CENPI: variants seen among roughly 807,000 people sequenced by gnomAD.
CENPI encodes centromere protein I.
CENPI carries 4 observed loss-of-function variants against 60.4 expected under a neutral mutation model. The observed-to-expected ratio is 0.07, with a 90% CI of 0.03 to 0.15. CENPI has a LOEUF of 0.15. Among genes scored for constraint, CENPI ranks in the 10% least tolerant of loss-of-function variants. The probability of loss-of-function intolerance (pLI) is 1.00; values close to 1 mark genes in which losing one functional copy is unlikely to be tolerated. For synonymous variants in CENPI, 157 were observed against 189.4 expected (o/e 0.83, Z 1.40); for missense variants, 444 against 534.5 (o/e 0.83, Z 1.67).
intron 4 of CENPI, among the ~76,000 whole-genome samples, chrX:101,107,060 CAAAAA>C (rs777807842): frequency 8.0e-5 from 5 of 62,138 alleles, no homozygotes; most frequent in Admixed American, 2.2e-4. Context: ...GACCCTGTCT[CAAAAA>C]AAAAAAAAAA....
chrX:101,100,504 C>T (rs1433908578), intron 2 of CENPI: 1 of 112,666 alleles, frequency 8.9e-6, no homozygotes, highest in Non-Finnish European at 1.9e-5. Context: ...CAGCCTTCAC[C>T]TCCTGGGTTC....
At chrX:101,125,557 C>T (rs934116144) in intron 8 of CENPI, among the ~76,000 whole-genome samples, 2 of 110,706 alleles carry the variant, frequency 1.8e-5, no homozygotes, top group African/African-American at 6.6e-5. Flanking sequence ...CCATCACAGC[C>T]GGCCTAATTT....
At chrX:101,155,694 C>CTT (rs1283410431) in intron 20 of CENPI, among the ~76,000 whole-genome samples, 1 of 111,860 alleles carries the variant, frequency 8.9e-6, no homozygotes, top group Non-Finnish European at 1.9e-5. Context: ...TTACTGGGTA[C>CTT]TTTTTTTGTT....
chrX:101,139,954 C>G lies in CENPI; in HGVS notation c.1471-712C>G, dbSNP rs924581735. ...GGTTCACGTCATTCTCCTGCCTCAG[C>G]CTCCCAAGTAGTTGGGACTACAGGC... On this transcript the variant is annotated intron_variant, in intron 15 of 21. Coordinates refer to ENST00000682095, the MANE Select transcript of CENPI (RefSeq NM_001386188.2). Among the ~76,000 whole-genome samples the G allele has an allele frequency of 5.5e-5, 6 of 109,889 alleles. No individual in the cohort carries two copies. The East Asian group carries it at 1.7e-3, about 31-fold the overall frequency.
downstream of CENPI, among the ~76,000 whole-genome samples, chrX:101,169,141 TGAA>T (rs2090151112): frequency 9.0e-6 from 1 of 111,146 alleles, no homozygotes; most frequent in African/African-American, 3.3e-5. Context: ...TGGAAAAAAG[TGAA>T]GAAAAATGAA....
chrX:101,108,552 T>C (rs2089512444), intron 4 of CENPI, among the ~76,000 whole-genome samples: 1 of 111,472 alleles, frequency 9.0e-6, no homozygotes, highest in African/African-American at 3.3e-5. Flanking sequence ...ATCACCACTA[T>C]CTAATTCTTG....
intron 6 of CENPI, among the ~76,000 whole-genome samples, chrX:101,119,739 A>C (rs1295196923): frequency 8.9e-6 from 1 of 112,340 alleles, no homozygotes; most frequent in African/African-American, 3.2e-5. Context: ...CTGTTAACTA[A>C]ATTCTTGTAT....
chrX:101,101,009 A>G (rs1289067951), intron 2 of CENPI, 49 bp from the exon 3 acceptor site: 6 of 904,877 alleles, frequency 6.6e-6, no homozygotes, highest in Non-Finnish European at 1.6e-6. Flanking sequence ...GTGGAGAAAA[A>G]AGGACTGTTT....
In CENPI at chrX:101,163,046, C is replaced by A. The variant is rs1181664516; in HGVS notation, c.*79C>A. 6.8e-6 allele frequency: 7 copies of A among 1,026,094 alleles called. No homozygotes were observed. The highest frequency in any genetic ancestry group is 9.4e-6 in the Non-Finnish European group (7 of 744,167). The allele number at this position is 1,026,094 out of a possible 1,213,427, so 84.6% of individuals were successfully genotyped here. A position where few individuals can be genotyped will look rare whatever the true frequency, so the allele number is the denominator to read the frequency against. Reference sequence around the variant, plus strand: ...GAGCAAAGTGGCTCATCTTGAGTTCCCATTTTCATTTCACTGACAGACTGC... The same window carrying A: ...GAGCAAAGTGGCTCATCTTGAGTTCACATTTTCATTTCACTGACAGACTGC... On this transcript the variant is annotated 3_prime_UTR_variant, in exon 22 of 22. Transcript: ENST00000682095.
chrX:101,118,885 T>TA (rs1251829703), intron 6 of CENPI, among the ~76,000 whole-genome samples: 1 of 111,624 alleles, frequency 9.0e-6, no homozygotes, highest in Non-Finnish European at 1.9e-5. Context: ...TTCTTTCTTT[T>TA]AAAAAAAGAT....
chrX:101,178,497 A>G, the CENPI span, among the ~76,000 whole-genome samples: 15 of 94,315 alleles, frequency 1.6e-4, no homozygotes, highest in East Asian at 3.3e-4. Flanking sequence ...TGCAACCTCC[A>G]TCTCCTGGGT....
intron 21 of CENPI, among the ~76,000 whole-genome samples, chrX:101,161,993 T>C (rs746186392): frequency 9.2e-5 from 10 of 109,173 alleles, no homozygotes; most frequent in Non-Finnish European, 9.5e-5. Context: ...CAGGCTGGAG[T>C]GCGGTGGTGT....
intron 2 of CENPI, 40 bp from the exon 3 acceptor site, chrX:101,101,018 T>A: frequency 4.1e-6 from 4 of 981,751 alleles, no homozygotes; most frequent in Middle Eastern, 2.6e-4. Context: ...AAAGGACTGT[T>A]TGGCTGATTA....
downstream of CENPI, among the ~76,000 whole-genome samples, chrX:101,169,742 G>A (rs757269377): frequency 1.8e-5 from 2 of 111,501 alleles, no homozygotes; most frequent in African/African-American, 3.3e-5. Flanking sequence ...TAGTGCCCCC[G>A]AAGACCTTCC....
chrX:101,104,608 C>T lies in CENPI; in HGVS notation c.364+2197C>T, dbSNP rs1477990042. Among the ~76,000 whole-genome samples, 4 of 111,246 alleles carry T rather than the reference C, an allele frequency of 3.6e-5. No individual in the cohort carries two copies. The Admixed American group carries it at 3.9e-4, about 11-fold the overall frequency. On this transcript the variant is annotated intron_variant, in intron 4 of 21. Coordinates refer to ENST00000682095, the MANE Select transcript of CENPI (RefSeq NM_001386188.2). ...GGGTATAGTGGCTCATGCCTATAAT[C>T]CCAGCACTTTGAGGGGCCAAGGCAG...
chrX:101,154,744 CAAT>C (rs1414169292), intron 20 of CENPI, among the ~76,000 whole-genome samples: 2 of 111,261 alleles, frequency 1.8e-5, no homozygotes, highest in Non-Finnish European at 3.8e-5. Context: ...GTTTTTTCAA[CAAT>C]GTTTTGCAGT....
downstream of CENPI, among the ~76,000 whole-genome samples, chrX:101,168,815 TC>T (rs1261832870): frequency 9.0e-6 from 1 of 111,535 alleles, no homozygotes; most frequent in Non-Finnish European, 1.9e-5. Context: ...CAGCGACAAA[TC>T]CTGGAGTAGA....
At chrX:101,137,384 G>A (rs1201772042) in intron 15 of CENPI, among the ~76,000 whole-genome samples, 1 of 111,654 alleles carries the variant, frequency 9.0e-6, no homozygotes, top group African/African-American at 3.3e-5. Context: ...TTCACTGCAA[G>A]TTCTTGGAAA....
the CENPI span, among the ~76,000 whole-genome samples, chrX:101,180,146 CT>C: frequency 1.8e-5 from 2 of 109,565 alleles, no homozygotes; most frequent in African/African-American, 3.3e-5. Context: ...GTTTTTTGAC[CT>C]TTTTTTTGAG....
Sources: allele counts gnomAD v4.1 joint callset (sites outside exome capture counted in the v4.1 genomes callset), GRCh38; gene constraint gnomAD v4.1.1; transcripts MANE v1.5; gene names NCBI Gene and HGNC (gene_info 2026-07-23, HGNC 2026-07-21).